Variants in NR2C2 observed in about 807,000 individuals in gnomAD.
NR2C2 encodes Nuclear hormone receptor TR4.
In NR2C2, 6 loss-of-function variants were observed where a neutral mutation model predicts 62.9. The ratio of observed to expected loss-of-function variants is 0.10; its 90% CI spans 0.05 to 0.19. The LOEUF is 0.19. NR2C2 is among the 10% of genes least tolerant of loss of function. NR2C2 has a pLI of 1.00. For missense variants in NR2C2, 479 were observed against 762.7 expected, an observed-to-expected ratio of 0.63 and a Z score of 4.38; for synonymous variants, 272 against 273.8, an observed-to-expected ratio of 0.99 and a Z score of 0.07.
intron 1 of NR2C2, among the ~76,000 whole-genome samples, chr3:14,991,600 TCA>T (rs751795616): frequency 5.3e-5 from 8 of 152,222 alleles, no homozygotes; most frequent in Non-Finnish European, 7.3e-5. Flanking sequence ...CAATGTTTTT[TCA>T]CAGAGTGTAA....
At chr3:15,038,924 G>A (rs1192056697) in intron 12 of NR2C2, 198 bp from the exon 13 acceptor site, 6 of 569,522 alleles carry the variant, frequency 1.1e-5, no homozygotes, top group Admixed American at 6.0e-5. Flanking sequence ...TCCCCGACCC[G>A]CTCCCAGGAA....
chr3:15,027,166 A>G (rs1005383598), intron 7 of NR2C2, among the ~76,000 whole-genome samples: 2 of 151,902 alleles, frequency 1.3e-5, no homozygotes, highest in African/African-American at 2.4e-5. Context: ...CTCCTGGCCA[A>G]TTTTGTGTTT....
chr3:14,989,421 G>T (rs1404602059), intron 1 of NR2C2, among the ~76,000 whole-genome samples: 1 of 152,028 alleles, frequency 6.6e-6, no homozygotes, highest in African/African-American at 2.4e-5. Context: ...TGTTCTTGTG[G>T]GTCTTTTCTA....
chr3:15,004,280 GC>G (rs2041105612), intron 2 of NR2C2, among the ~76,000 whole-genome samples: 1 of 152,126 alleles, frequency 6.6e-6, no homozygotes, highest in South Asian at 2.1e-4. Flanking sequence ...AAGAGCAAGG[GC>G]CCCTACTTGA....
intron 1 of NR2C2, among the ~76,000 whole-genome samples, chr3:14,961,939 C>T (rs1031933776): frequency 1.3e-5 from 2 of 152,180 alleles, no homozygotes; most frequent in African/African-American, 4.8e-5. Context: ...GGTATGTTAG[C>T]ACCAAGCAGG....
chr3:15,023,999 G>C, intron 6 of NR2C2, 116 bp from the exon 7 acceptor site: 1 of 741,196 alleles, frequency 1.3e-6, no homozygotes, highest in Non-Finnish European at 2.3e-6. Flanking sequence ...AGTCTACTTA[G>C]AGCTTTTCTA....
At chr3:15,027,055 T>G (rs948445834) in intron 7 of NR2C2, 5 of 152,414 alleles carry the variant, frequency 3.3e-5, no homozygotes, top group Admixed American at 3.3e-4. Flanking sequence ...TTAGTAGAGA[T>G]AGGGTTTCAC....
intron 2 of NR2C2, among the ~76,000 whole-genome samples, chr3:15,007,201 C>T (rs1211869261): frequency 4.0e-5 from 6 of 149,836 alleles, no homozygotes; most frequent in African/African-American, 1.2e-4. Flanking sequence ...GATCTTGGCT[C>T]ACTGCAACCT....
At chr3:14,994,343 C>G (rs893788742) in intron 1 of NR2C2, among the ~76,000 whole-genome samples, 3 of 151,938 alleles carry the variant, frequency 2.0e-5, no homozygotes, top group African/African-American at 4.8e-5. Flanking sequence ...TCCTTATGCC[C>G]CCTCCCAATC....
intron 3 of NR2C2, among the ~76,000 whole-genome samples, chr3:15,015,649 C>T (rs990861754): frequency 5.3e-5 from 8 of 152,218 alleles, no homozygotes; most frequent in African/African-American, 1.7e-4. Flanking sequence ...GGGAAACCAG[C>T]CAGCTGATGA....
intron 1 of NR2C2, among the ~76,000 whole-genome samples, chr3:15,002,707 G>GGA: frequency 7.4e-6 from 1 of 135,300 alleles, no homozygotes; most frequent in South Asian, 2.4e-4. Context: ...TGCCCAGGGT[G>GGA]GAGTACAATA....
At chr3:14,973,842 G>A (rs1221212785) in intron 1 of NR2C2, among the ~76,000 whole-genome samples, 2 of 152,000 alleles carry the variant, frequency 1.3e-5, no homozygotes, top group Non-Finnish European at 2.9e-5. Flanking sequence ...AAGTACGGAT[G>A]TTCCTTGGTT....
chr3:14,949,887 C>T (rs1257483678), intron 1 of NR2C2, among the ~76,000 whole-genome samples: 2 of 152,172 alleles, frequency 1.3e-5, no homozygotes, highest in African/African-American at 4.8e-5. Context: ...TATACACATA[C>T]ATACACAGAC....
At position 15,021,354 on chromosome 3, in the gene NR2C2, C is replaced by G. The variant is rs190719998; in HGVS notation, c.556+422C>G. 7.2e-5 allele frequency among the ~76,000 whole-genome samples: 11 copies of G among 152,334 alleles called. No individual in the cohort carries two copies. The East Asian group carries it at 2.1e-3, about 29-fold the overall frequency. On this transcript the variant is annotated intron_variant, in intron 5 of 13. Coordinates refer to ENST00000425241, the MANE Select transcript of NR2C2 (RefSeq NM_001291694.2). ...CTCCTGAGGATTACATGAGCCTACTCCCTGTCTTCTTAGCCCCTCTACTTT... is the reference window on the plus strand; with the variant it reads ...CTCCTGAGGATTACATGAGCCTACTGCCTGTCTTCTTAGCCCCTCTACTTT...
intron 2 of NR2C2, among the ~76,000 whole-genome samples, chr3:15,010,486 C>G (rs906668195): frequency 6.6e-6 from 1 of 151,650 alleles, no homozygotes; most frequent in African/African-American, 2.4e-5. Context: ...GGCGAAGGCA[C>G]GAGGATCACT....
intron 7 of NR2C2, among the ~76,000 whole-genome samples, chr3:15,025,239 A>C (rs1424816373): frequency 6.6e-6 from 1 of 152,344 alleles, no homozygotes; most frequent in Non-Finnish European, 1.5e-5. Flanking sequence ...ATTCACAGCA[A>C]CCATTCTATT....
intron 13 of NR2C2, chr3:15,042,609 A>C (rs1296984746): frequency 9.5e-6 from 4 of 421,538 alleles, no homozygotes. Flanking sequence ...GGAATAAACA[A>C]GAGTGAAGGG....
chr3:14,951,658 CTT>C (rs1163196015), intron 1 of NR2C2, among the ~76,000 whole-genome samples: 2 of 152,046 alleles, frequency 1.3e-5, no homozygotes, highest in African/African-American at 4.8e-5. Flanking sequence ...TTCACAGTGA[CTT>C]TTAAGTTTTG....
rs567115607 is a variant in NR2C2, at chr3:15,045,379, G to A, written c.*2371G>A. 6.5e-6 allele frequency: 1 copy of A among 152,786 alleles called. No individual in the cohort carries two copies. Among genetic ancestry groups the A allele is most frequent in the South Asian group, 2.1e-4 (1 of 4,826 alleles). 9.5% of individuals were successfully genotyped at this position (152,786 alleles called of 1,614,324 possible). On this transcript the variant is annotated 3_prime_UTR_variant, in exon 14 of 14. Coordinates refer to ENST00000425241, the MANE Select transcript of NR2C2 (RefSeq NM_001291694.2). ...GCTTAGACTCAGGCTGGATAAGGAA[G>A]TGTTGGGCTGTGGTGAAACAACCTT... is the stretch of plus-strand genomic sequence containing the variant.
Sources: gnomAD v4.1 joint callset for allele counts (sites outside exome capture counted in the v4.1 genomes callset) on GRCh38, gnomAD v4.1.1 for gene constraint, MANE v1.5 for transcripts, NCBI Gene and HGNC (gene_info 2026-07-23, HGNC 2026-07-21) for gene names.